SLC35F3: variants seen among roughly 807,000 people sequenced by gnomAD.
The protein encoded by SLC35F3 is putative thiamine transporter SLC35F3.
SLC35F3 carries 25 observed loss-of-function variants against 49.9 expected under a neutral mutation model. That is an observed-to-expected ratio of 0.50 (90% CI 0.37 to 0.70). The LOEUF is 0.70. Among genes scored for constraint, SLC35F3 ranks in the 30% least tolerant of loss-of-function variants. The pLI is 0.00. For missense variants in SLC35F3, 525 were observed against 639.8 expected (o/e 0.82, Z 1.94); for synonymous variants, 275 against 265.4 (o/e 1.04, Z -0.35).
At chr1:234,140,775 C>A (rs1169243701) in intron 2 of SLC35F3, among the ~76,000 whole-genome samples, 2 of 152,158 alleles carry the variant, frequency 1.3e-5, no homozygotes, top group Admixed American at 6.6e-5. Flanking sequence ...TACGGAACCT[C>A]CTTGCTCATT....
chr1:233,939,758 C>T (rs1182376100), intron 2 of SLC35F3, among the ~76,000 whole-genome samples: 2 of 152,136 alleles, frequency 1.3e-5, no homozygotes, highest in South Asian at 2.1e-4. Flanking sequence ...CAGAAGTCAG[C>T]GTGAAGCCTG....
At chr1:234,281,372 A>G (rs901776756) in intron 3 of SLC35F3, among the ~76,000 whole-genome samples, 2 of 152,298 alleles carry the variant, frequency 1.3e-5, no homozygotes, top group Admixed American at 6.5e-5. Context: ...TCGTGAACAA[A>G]TAAGAATGTG....
At chr1:234,176,256 A>G (rs895524950) in intron 2 of SLC35F3, among the ~76,000 whole-genome samples, 1 of 152,230 alleles carries the variant, frequency 6.6e-6, no homozygotes, top group African/African-American at 2.4e-5. Context: ...GAAGAATCAC[A>G]CAGCAGTTGC....
At chr1:234,176,114 TG>T (rs1666472536) in intron 2 of SLC35F3, among the ~76,000 whole-genome samples, 1 of 152,184 alleles carries the variant, frequency 6.6e-6, no homozygotes, top group African/African-American at 2.4e-5. Flanking sequence ...CCCTTTTTTC[TG>T]GGACATAGAT....
intron 2 of SLC35F3, among the ~76,000 whole-genome samples, chr1:234,160,201 A>C (rs1376268046): frequency 1.3e-5 from 2 of 152,248 alleles, no homozygotes; most frequent in Non-Finnish European, 2.9e-5. Flanking sequence ...GGACAGAAAT[A>C]TATAGCAGGC....
intron 2 of SLC35F3, among the ~76,000 whole-genome samples, chr1:234,182,968 T>C (rs1666585290): frequency 8.5e-6 from 1 of 118,194 alleles, no homozygotes; most frequent in African/African-American, 2.6e-5. Flanking sequence ...CTTTGAGTTA[T>C]AATTTACATT....
chr1:233,940,531 TC>T lies in SLC35F3; in HGVS notation c.283+34776del, dbSNP rs1435732716. Among the ~76,000 whole-genome samples, 7 of 152,294 alleles carry T rather than the reference TC, an allele frequency of 4.6e-5. No homozygotes were observed. In the South Asian group the frequency reaches 1.2e-3, roughly 27 times the overall value. On this transcript the variant is annotated intron_variant, in intron 2 of 7. Coordinates refer to ENST00000366618, the MANE Select transcript of SLC35F3 (RefSeq NM_173508.4). The stretch of plus-strand genomic sequence containing the variant: ...CACTTTGCCACAATCAACATGATTC[TC>T]CCATTCAAAGATAGATTTCTAAGCA...
rs1425706831 is a variant in SLC35F3, at chr1:234,281,350, C to T, written c.609-27751C>T. On this transcript the variant is annotated intron_variant, in intron 3 of 7. Transcript: ENST00000366618. ...CTGCCAACACCTTGATCTCAGACTT[C>T]TAGCTTCCAAATCGTGAACAAATAA... Among the ~76,000 whole-genome samples, 4 of 152,182 alleles carry T rather than the reference C, an allele frequency of 2.6e-5. No individual in the cohort carries two copies. The East Asian group carries it at 7.7e-4, about 29-fold the overall frequency.
chr1:234,286,915 A>T (rs1037463185), intron 3 of SLC35F3, among the ~76,000 whole-genome samples: 14 of 152,248 alleles, frequency 9.2e-5, no homozygotes, highest in Non-Finnish European at 4.4e-5. Flanking sequence ...TATGCCTGTA[A>T]TCCTAGCATT....
At chr1:234,052,853 G>A (rs1370821263) in intron 2 of SLC35F3, among the ~76,000 whole-genome samples, 1 of 152,142 alleles carries the variant, frequency 6.6e-6, no homozygotes, top group East Asian at 1.9e-4. Flanking sequence ...GTTCTCATTG[G>A]TTTCAAAGAA....
chr1:234,317,520 C>T (rs1572150814), intron 5 of SLC35F3, among the ~76,000 whole-genome samples: 1 of 152,314 alleles, frequency 6.6e-6, no homozygotes, highest in African/African-American at 2.4e-5. Context: ...GACGTATCAG[C>T]CCTTTGTGGA....
At chr1:234,314,515 C>T (rs943614577) in intron 4 of SLC35F3, among the ~76,000 whole-genome samples, 2 of 152,188 alleles carry the variant, frequency 1.3e-5, no homozygotes, top group Non-Finnish European at 2.9e-5. Flanking sequence ...AATCCCAACA[C>T]TTTGGAAAGC....
chr1:234,303,644 T>C (rs1305281765), intron 3 of SLC35F3, among the ~76,000 whole-genome samples: 1 of 152,266 alleles, frequency 6.6e-6, no homozygotes, highest in Non-Finnish European at 1.5e-5. Context: ...AAAATTTTCC[T>C]TCAAAAATGT....
intron 2 of SLC35F3, among the ~76,000 whole-genome samples, chr1:233,987,233 G>A (rs910192030): frequency 1.3e-5 from 2 of 152,116 alleles, no homozygotes; most frequent in African/African-American, 4.8e-5. Flanking sequence ...AGGTTGCAAT[G>A]AGCCAAGATC....
chr1:234,089,860 G>C (rs1665014737), intron 2 of SLC35F3, among the ~76,000 whole-genome samples: 1 of 152,076 alleles, frequency 6.6e-6, no homozygotes, highest in Non-Finnish European at 1.5e-5. Flanking sequence ...AACAGACAGG[G>C]ATGCACTGAT....
chr1:234,266,806 A>G (rs1486271075), intron 3 of SLC35F3, among the ~76,000 whole-genome samples: 2 of 152,084 alleles, frequency 1.3e-5, no homozygotes, highest in Non-Finnish European at 2.9e-5. Context: ...TATGGTATTA[A>G]CATCTTATGA....
At chr1:234,169,611 A>G (rs1397440433) in intron 2 of SLC35F3, among the ~76,000 whole-genome samples, 2 of 152,168 alleles carry the variant, frequency 1.3e-5, no homozygotes, top group Non-Finnish European at 2.9e-5. Flanking sequence ...TGGGGCCCAC[A>G]GCTCCACTAC....
chr1:234,028,271 CTGT>C (rs796537213), intron 2 of SLC35F3, among the ~76,000 whole-genome samples: 38 of 152,296 alleles, frequency 2.5e-4, no homozygotes, highest in African/African-American at 8.2e-4. Context: ...GTGAAGTAAG[CTGT>C]AATTAGAGGT....
chr1:233,950,540 C>T (rs911590982), intron 2 of SLC35F3, among the ~76,000 whole-genome samples: 2 of 143,986 alleles, frequency 1.4e-5, no homozygotes, highest in Non-Finnish European at 3.0e-5. Context: ...CCTTCCTTCC[C>T]TCCTTCACTC....
Sources: gnomAD v4.1 joint callset for allele counts (sites outside exome capture counted in the v4.1 genomes callset) on GRCh38, gnomAD v4.1.1 for gene constraint, MANE v1.5 for transcripts, NCBI Gene and HGNC (gene_info 2026-07-23, HGNC 2026-07-21) for gene names.